Variants in TRAF3 observed in about 807,000 individuals in gnomAD.
The protein encoded by TRAF3 is TNF receptor-associated factor 3.
A neutral mutation model predicts 62.3 loss-of-function variants in TRAF3; 13 were observed. The ratio of observed to expected loss-of-function variants is 0.21; its 90% CI spans 0.14 to 0.33. The LOEUF (loss-of-function observed/expected upper bound fraction) is 0.33, where lower values mean the gene tolerates loss of function less well. Ranked by LOEUF, TRAF3 falls within the 10% of genes least tolerant of loss-of-function variation. The pLI, the probability that TRAF3 is intolerant of heterozygous loss-of-function variation, is 1.00. For synonymous variants in TRAF3, 269 were observed against 283.4 expected, an observed-to-expected ratio of 0.95 and a Z score of 0.51; for missense variants, 440 against 741.8, an observed-to-expected ratio of 0.59 and a Z score of 4.73.
intron 2 of TRAF3, among the ~76,000 whole-genome samples, chr14:102,837,111 A>G (rs1422730878): frequency 2.8e-5 from 4 of 140,418 alleles, no homozygotes; most frequent in African/African-American, 1.2e-4. Flanking sequence ...GAAATTAAGC[A>G]AGTAATTTGT....
chr14:102,829,332 C>T (rs1900519501), intron 1 of TRAF3, among the ~76,000 whole-genome samples: 1 of 152,196 alleles, frequency 6.6e-6, no homozygotes, highest in African/African-American at 2.4e-5. Flanking sequence ...TTCAGCTTTC[C>T]ATATGAAGCA....
chr14:102,780,531 T>C (rs1275173928), intron 1 of TRAF3, among the ~76,000 whole-genome samples: 1 of 149,096 alleles, frequency 6.7e-6, no homozygotes, highest in Non-Finnish European at 1.5e-5. Context: ...TTTTTTTTTT[T>C]CTTTCGGTGA....
At chr14:102,897,199 A>G in intron 9 of TRAF3, 62 bp from the exon 10 acceptor site, 1 of 1,467,856 alleles carries the variant, frequency 6.8e-7, no homozygotes, top group Non-Finnish European at 9.4e-7. Context: ...TTTAATTGAT[A>G]TTGTTGTTAA....
At chr14:102,887,849 C>A (rs1038131075) in intron 7 of TRAF3, among the ~76,000 whole-genome samples, 1 of 152,136 alleles carries the variant, frequency 6.6e-6, no homozygotes, top group Admixed American at 6.5e-5. Context: ...CCCGCCTCGG[C>A]CTCCTAAGGT....
At chr14:102,783,493 G>A (rs533918451) in intron 1 of TRAF3, among the ~76,000 whole-genome samples, 1 of 152,166 alleles carries the variant, frequency 6.6e-6, no homozygotes, top group South Asian at 2.1e-4. Flanking sequence ...CTTATTACAG[G>A]GTGAATTAAG....
chr14:102,893,754 T>A (rs1182023279), intron 9 of TRAF3, among the ~76,000 whole-genome samples: 1 of 152,160 alleles, frequency 6.6e-6, no homozygotes, highest in Non-Finnish European at 1.5e-5. Context: ...TCTTGGACGT[T>A]GCCAAAGGAC....
chr14:102,889,304 C>T (rs1402040348), intron 7 of TRAF3, among the ~76,000 whole-genome samples: 1 of 152,072 alleles, frequency 6.6e-6, no homozygotes, highest in East Asian at 1.9e-4. Context: ...TCACATTGAA[C>T]AATTTGTTCT....
In TRAF3 at chr14:102,884,962, T is replaced by TA. The variant is rs564034401; in HGVS notation, c.571-1226dup. Among the ~76,000 whole-genome samples, 37 of 152,332 alleles carry TA rather than the reference T, an allele frequency of 2.4e-4. No individual in the cohort carries two copies. In the South Asian group the frequency reaches 6.6e-3, roughly 27 times the overall value. On this transcript the variant is annotated intron_variant, in intron 6 of 11. Transcript: ENST00000392745. ...GGATGTGGAAACGTGCATCCCCTGA[T>TA]ACTGGGAGTGGAGACTGGTGTGGGC...
intron 1 of TRAF3, among the ~76,000 whole-genome samples, chr14:102,796,502 G>A (rs189418789): frequency 8.0e-4 from 122 of 152,374 alleles, no homozygotes; most frequent in South Asian, 4.1e-3. Context: ...AAGTTCTAGA[G>A]GCCTGGACTT....
intron 1 of TRAF3, among the ~76,000 whole-genome samples, chr14:102,785,762 T>G (rs549348516): frequency 1.2e-3 from 177 of 152,314 alleles, no homozygotes; most frequent in Middle Eastern, 3.4e-3. Flanking sequence ...CAGTGGTGGC[T>G]GAGCAGAGAT....
At chr14:102,899,801 C>G (rs1890185594) in intron 10 of TRAF3, among the ~76,000 whole-genome samples, 1 of 152,142 alleles carries the variant, frequency 6.6e-6, no homozygotes, top group African/African-American at 2.4e-5. Context: ...GAGTGGAATT[C>G]AAGAGTGTCT....
chr14:102,803,049 A>G (rs1025719803), intron 1 of TRAF3, among the ~76,000 whole-genome samples: 1 of 152,140 alleles, frequency 6.6e-6, no homozygotes, highest in African/African-American at 2.4e-5. Flanking sequence ...TCACTGTCAC[A>G]AGAACAGGAT....
chr14:102,899,188 C>T (rs1394244384), intron 10 of TRAF3, among the ~76,000 whole-genome samples: 1 of 152,204 alleles, frequency 6.6e-6, no homozygotes, highest in Non-Finnish European at 1.5e-5. Context: ...AGGGGAAATT[C>T]AGTGTTACCT....
chr14:102,903,688 A>T lies in TRAF3; in HGVS notation c.1135+259A>T. On this transcript the variant is annotated intron_variant, in intron 11 of 11. Transcript: ENST00000392745. The surrounding 1 kb of genome is among the most constrained non-coding windows in gnomAD (Gnocchi z 6.4). ...AGTAGGGGCAGCTGCAGCCACGGGA[A>T]GCTGCAAAGCCCTCCTGGGAGAGAC... The T allele has an allele frequency of 1.6e-6, 1 of 610,204 alleles. No individual in the cohort carries two copies. Among genetic ancestry groups the T allele is most frequent in the African/African-American group, 1.8e-5 (1 of 55,122 alleles). The allele number at this position is 610,204 out of a possible 1,614,324, so 37.8% of individuals were successfully genotyped here.
chr14:102,829,145 C>T lies in TRAF3; in HGVS notation c.-156-1189C>T, dbSNP rs547811963. On this transcript the variant is annotated intron_variant, in intron 1 of 11. Coordinates refer to ENST00000392745, the MANE Select transcript of TRAF3 (RefSeq NM_145725.3). ...TTTGCAATGAATTAGTGGCCCCAAA[C>T]GGTATTAAATGCATTATGGGTGGTA... Among the ~76,000 whole-genome samples, 15 of 152,230 alleles carry T rather than the reference C, an allele frequency of 9.9e-5. No homozygotes were observed. In the South Asian group the frequency reaches 2.9e-3, roughly 30 times the overall value.
At chr14:102,817,910 G>A (rs973773965) in intron 1 of TRAF3, among the ~76,000 whole-genome samples, 1 of 152,196 alleles carries the variant, frequency 6.6e-6, no homozygotes. Flanking sequence ...CCATAATAGA[G>A]CTTTTGCAGC....
intron 2 of TRAF3, among the ~76,000 whole-genome samples, chr14:102,858,017 A>T (rs1489228313): frequency 6.6e-6 from 1 of 152,212 alleles, no homozygotes; most frequent in African/African-American, 2.4e-5. Context: ...AACAAAAATG[A>T]TCAGCAACGT....
chr14:102,813,459 T>C (rs1200543738), intron 1 of TRAF3, among the ~76,000 whole-genome samples: 1 of 144,134 alleles, frequency 6.9e-6, no homozygotes, highest in Non-Finnish European at 1.5e-5. Context: ...TTTTCTTTTC[T>C]TTTTTTTTTG....
At chr14:102,865,429 G>A (rs1370003813) in intron 2 of TRAF3, among the ~76,000 whole-genome samples, 1 of 151,952 alleles carries the variant, frequency 6.6e-6, no homozygotes, top group Non-Finnish European at 1.5e-5. Flanking sequence ...GATAGAATTA[G>A]AGCTGCTTTC....
Sources: gnomAD v4.1 joint callset for allele counts (sites outside exome capture counted in the v4.1 genomes callset) on GRCh38, gnomAD v4.1.1 for gene constraint, Gnocchi (gnomAD v3.1) non-coding constraint, MANE v1.5 for transcripts, NCBI Gene and HGNC (gene_info 2026-07-23, HGNC 2026-07-21) for gene names.